The following ZHX3 variants were observed in gnomAD, a reference collection of about 807,000 sequenced individuals.
The protein encoded by ZHX3 is zinc fingers and homeoboxes protein 3.
A neutral mutation model predicts 64.5 loss-of-function variants in ZHX3; 20 were observed. The observed-to-expected ratio is 0.31, with a 90% CI of 0.22 to 0.45. The LOEUF (loss-of-function observed/expected upper bound fraction) is 0.45. Ranked by LOEUF, ZHX3 falls within the 20% of genes least tolerant of loss-of-function variation. The probability of loss-of-function intolerance (pLI) is 1.00; values close to 1 mark genes in which losing one functional copy is unlikely to be tolerated. For synonymous variants in ZHX3, 423 were observed against 461.6 expected (o/e 0.92, Z 1.07); for missense variants, 1,041 against 1,195.8 (o/e 0.87, Z 1.91).
chr20:41,234,834 T>A (rs1218171278), intron 2 of ZHX3, among the ~76,000 whole-genome samples: 1 of 152,232 alleles, frequency 6.6e-6, no homozygotes, highest in Non-Finnish European at 1.5e-5. Context: ...AGAAGCAGCA[T>A]GCAGGGCCAG....
At chr20:41,192,329 T>A (rs1294063796) in intron 3 of ZHX3, among the ~76,000 whole-genome samples, 1 of 152,208 alleles carries the variant, frequency 6.6e-6, no homozygotes, top group Non-Finnish European at 1.5e-5. Flanking sequence ...AAAGCCAGGC[T>A]GGGCAGTCTC....
At chr20:41,258,152 G>A (rs866325517) in intron 2 of ZHX3, among the ~76,000 whole-genome samples, 2 of 151,980 alleles carry the variant, frequency 1.3e-5, no homozygotes, top group South Asian at 2.1e-4. Context: ...CACCCGCCTC[G>A]GCCTCCCAAA....
intron 1 of ZHX3, among the ~76,000 whole-genome samples, chr20:41,300,535 T>C (rs2044762229): frequency 6.6e-6 from 1 of 152,176 alleles, no homozygotes; most frequent in Admixed American, 6.5e-5. Flanking sequence ...CCTCAAGCAC[T>C]ACTAGACTGG....
At chr20:41,311,424 G>C (rs578029475) in intron 1 of ZHX3, among the ~76,000 whole-genome samples, 2 of 152,314 alleles carry the variant, frequency 1.3e-5, no homozygotes, top group East Asian at 3.9e-4. Flanking sequence ...TTAGAACACA[G>C]AGCCTGAAAG....
chr20:41,204,751 G>T lies in ZHX3; in HGVS notation c.166C>A (p.Pro56Thr). 6.2e-7 allele frequency: 1 copy of T among 1,614,096 alleles called. No individual in the cohort carries two copies. Among genetic ancestry groups the T allele is most frequent in the Non-Finnish European group, 8.5e-7 (1 of 1,179,986 alleles). Residue 56 changes from proline to threonine, a missense_variant, in exon 3 of 4, where the codon CCC becomes ACC. Coordinates refer to ENST00000683867, the MANE Select transcript of ZHX3 (RefSeq NM_001384317.1). This position sits in a 1 kb window ranked among gnomAD's most constrained non-coding sequence, Gnocchi z 6.6. ...SAASSEAAQN[P>T]SSTDGSTLAN... ...AGTGTAGAGCCATCAGTACTGCTGG[G>T]GTTCTGTGCTGCCTCACTGCTGGCA...
intron 1 of ZHX3, among the ~76,000 whole-genome samples, chr20:41,287,176 T>A (rs2043977572): frequency 6.6e-6 from 1 of 152,124 alleles, no homozygotes; most frequent in South Asian, 2.1e-4. Context: ...CAATCATTTA[T>A]CCCAGGAATC....
At position 41,203,453 on chromosome 20, in the gene ZHX3, G is replaced by C; in HGVS notation, c.1464C>G (p.Ser488=). 5 of 1,614,210 alleles carry C rather than the reference G, an allele frequency of 3.1e-6. No homozygotes were observed. Among genetic ancestry groups the C allele is most frequent in the Non-Finnish European group, 4.2e-6 (5 of 1,180,034 alleles). The stretch of plus-strand genomic sequence containing the variant: ...AGATGCTAGCATCAAGGAAGGCTTG[G>C]GAGGTTATGCTGGGGCAGGCCGTGA... ...SLLTACPSIT[S]QAFLDASIYK... Residue 488 remains serine, a synonymous_variant, in exon 3 of 4, where the codon TCC becomes TCG. Coordinates refer to ENST00000683867, the MANE Select transcript of ZHX3 (RefSeq NM_001384317.1). The surrounding 1 kb of genome is among the most constrained non-coding windows in gnomAD (Gnocchi z 7.1).
intron 2 of ZHX3, among the ~76,000 whole-genome samples, chr20:41,250,230 A>T (rs2041924987): frequency 6.6e-6 from 1 of 152,192 alleles, no homozygotes; most frequent in Non-Finnish European, 1.5e-5. Flanking sequence ...GGACCAAAAG[A>T]GTACTGCAAA....
chr20:41,286,687 C>T (rs2043952791), intron 1 of ZHX3, among the ~76,000 whole-genome samples: 2 of 152,228 alleles, frequency 1.3e-5, no homozygotes, highest in Admixed American at 1.3e-4. Flanking sequence ...TCTATAACCT[C>T]ATCTCTTCTC....
In ZHX3 at chr20:41,202,188, G is replaced by A; in HGVS notation, c.2729C>T (p.Thr910Ile). 1.9e-6 allele frequency: 3 copies of A among 1,614,166 alleles called. No individual in the cohort carries two copies. Among genetic ancestry groups the A allele is most frequent in the Non-Finnish European group, 1.7e-6 (2 of 1,180,030 alleles). Residue 910 changes from threonine to isoleucine, a missense_variant, in exon 3 of 4, where the codon ACA becomes ATA. By Grantham distance (89) the Thr-to-Ile change is moderately conservative. Around this residue, in one of 4 missense-constraint regions of ZHX3, gnomAD observed 649 missense variants for 739.8 expected, o/e 0.88. Transcript: ENST00000683867. This position sits in a 1 kb window ranked among gnomAD's most constrained non-coding sequence, Gnocchi z 7.0. Reference sequence around the variant, plus strand: ...GTCACCCATCCCTTTGTGAACTGCTGTGAGCTCACCAGTACCAGGGCCCTG... The same window carrying A: ...GTCACCCATCCCTTTGTGAACTGCTATGAGCTCACCAGTACCAGGGCCCTG... ...EDQGPGTGEL[T>I]AVHKGMGDTY...
chr20:41,220,492 T>C (rs575174239), intron 2 of ZHX3, among the ~76,000 whole-genome samples: 31 of 152,102 alleles, frequency 2.0e-4, no homozygotes, highest in African/African-American at 7.2e-4. Context: ...AAAGCCTCTA[T>C]CTAACTTTAT....
intron 1 of ZHX3, among the ~76,000 whole-genome samples, chr20:41,315,439 C>T (rs1025308657): frequency 2.7e-5 from 4 of 150,624 alleles, no homozygotes; most frequent in Non-Finnish European, 4.4e-5. Context: ...GTGATCCGCC[C>T]GCCTCGGCCT....
rs111553407 is a variant in ZHX3 at position 41,246,851 on chromosome 20, G to A, written c.-151+22139C>T. 9.3e-4 allele frequency among the ~76,000 whole-genome samples: 139 copies of A among 149,658 alleles called. 2 individuals are homozygous for A. Among genetic ancestry groups the A allele is most frequent in the South Asian group, 5.3e-3 (25 of 4,692 alleles). ...CTGTGCCACTGCACTACAGCCTGAG[G>A]GACAGAGCAAGACTCCATCTGAAAA... On this transcript the variant is annotated intron_variant, in intron 2 of 3. Coordinates refer to ENST00000683867, the MANE Select transcript of ZHX3 (RefSeq NM_001384317.1).
At chr20:41,283,817 A>G (rs908028643) in intron 1 of ZHX3, among the ~76,000 whole-genome samples, 2 of 152,134 alleles carry the variant, frequency 1.3e-5, no homozygotes, top group African/African-American at 4.8e-5. Flanking sequence ...CATGAGGATC[A>G]CACTCTCCAG....
chr20:41,235,203 A>G (rs1165806624), intron 2 of ZHX3, among the ~76,000 whole-genome samples: 1 of 152,118 alleles, frequency 6.6e-6, no homozygotes, highest in African/African-American at 2.4e-5. Flanking sequence ...AACAACAACA[A>G]AACAAACAAA....
At chr20:41,241,652 CTG>C in intron 2 of ZHX3, among the ~76,000 whole-genome samples, 1 of 152,176 alleles carries the variant, frequency 6.6e-6, no homozygotes, top group Middle Eastern at 3.4e-3. Flanking sequence ...TACTATAACT[CTG>C]TGTATAATTT....
chr20:41,311,276 G>GT (rs1185745666), intron 1 of ZHX3, among the ~76,000 whole-genome samples: 1 of 151,998 alleles, frequency 6.6e-6, no homozygotes, highest in Non-Finnish European at 1.5e-5. Context: ...AACATTGATA[G>GT]TTTTTTGTGT....
chr20:41,237,609 G>A (rs1229262505), intron 2 of ZHX3, among the ~76,000 whole-genome samples: 1 of 152,196 alleles, frequency 6.6e-6, no homozygotes, highest in Non-Finnish European at 1.5e-5. Flanking sequence ...ACCAGGGCCT[G>A]TTGTGGGGTA....
Position 41,317,653 on chromosome 20 carries a change from G to C in ZHX3, c.-389C>G, listed in dbSNP as rs1052613095. The stretch of plus-strand genomic sequence containing the variant: ...ACGCCGGAGCCGCGGACTGCTGAGC[G>C]GCGGGGACGCAGCTGCACCAACCGA... On this transcript the variant is annotated 5_prime_UTR_variant, in exon 1 of 4. Coordinates refer to ENST00000683867, the MANE Select transcript of ZHX3 (RefSeq NM_001384317.1). 1 of 150,488 alleles carries C rather than the reference G, an allele frequency of 6.6e-6. No individual in the cohort carries two copies. Among genetic ancestry groups the C allele is most frequent in the African/African-American group, 2.4e-5 (1 of 41,216 alleles). The allele number at this position is 150,488 out of a possible 1,614,324, so 9.3% of individuals were successfully genotyped here. A position where few individuals can be genotyped will look rare whatever the true frequency, so the allele number is the denominator to read the frequency against.
Sources: gnomAD v4.1 joint callset for allele counts (sites outside exome capture counted in the v4.1 genomes callset) on GRCh38, gnomAD v4.1.1 for gene constraint, gnomAD v4.1.1 regional missense constraint, Gnocchi (gnomAD v3.1) non-coding constraint, MANE v1.5 for transcripts, NCBI Gene and HGNC (gene_info 2026-07-23, HGNC 2026-07-21) for gene names.